The following ASH2L variants were observed in gnomAD, a reference collection of about 807,000 sequenced individuals.
ASH2L encodes the protein set1/Ash2 histone methyltransferase complex subunit ASH2.
In ASH2L, 30 loss-of-function variants were observed where a neutral mutation model predicts 81.1. The ratio of observed to expected loss-of-function variants is 0.37; its 90% CI spans 0.28 to 0.50. ASH2L has a LOEUF of 0.50. Ranked by LOEUF, ASH2L falls within the 20% of genes least tolerant of loss-of-function variation. The pLI is 0.95. For missense variants in ASH2L, 559 were observed against 792.1 expected (o/e 0.71, Z 3.53); for synonymous variants, 273 against 279.9 (o/e 0.98, Z 0.24).
chr8:38,119,636 T>C (rs1349048320), intron 9 of ASH2L, among the ~76,000 whole-genome samples: 1 of 151,576 alleles, frequency 6.6e-6, no homozygotes, highest in Non-Finnish European at 1.5e-5. Context: ...CGAAACCCCA[T>C]CTCCACTAAA....
rs374597283 is a variant in ASH2L at position 38,110,380 on chromosome 8, T to A, written c.403T>A (p.Ser135Thr). 1.9e-6 allele frequency: 3 copies of A among 1,613,616 alleles called. No homozygotes were observed. In the Admixed American group the frequency reaches 5.0e-5, roughly 27 times the overall value. ...TADTFGIDTS[S>T]CLPFMTNYSF... ...TCGTATAATTTGGCTCTTCGGCAGA[T>A]CCTGTCTACCTTTCATGACCAACTA... The change falls in exon 4 of 16, where the codon TCC (serine) becomes ACC (threonine). Residue 135 changes from serine to threonine, a missense_variant and splice_region_variant. Ser to Thr is a moderately conservative substitution (Grantham distance 58). This residue lies in a region of ASH2L where 318 missense variants were observed against 527.0 expected (regional missense o/e 0.60). Coordinates refer to ENST00000343823, the MANE Select transcript of ASH2L (RefSeq NM_004674.5).
intron 2 of ASH2L, among the ~76,000 whole-genome samples, chr8:38,106,798 AC>A (rs1810453693): frequency 7.1e-6 from 1 of 141,822 alleles, no homozygotes; most frequent in Admixed American, 6.9e-5. Context: ...GGCGTGAGCC[AC>A]CGCGCCCGGC....
intron 12 of ASH2L, 152 bp from the exon 13 acceptor site, chr8:38,133,302 A>G (rs1802132441): frequency 1.6e-6 from 1 of 631,792 alleles, no homozygotes; most frequent in African/African-American, 1.9e-5. Flanking sequence ...GAAGTGTGTA[A>G]TAGTTCAAAA....
rs558887898 is a variant in ASH2L, at chr8:38,139,352, C to T, written c.*281C>T. 1 of 297,398 alleles carries T rather than the reference C, an allele frequency of 3.4e-6. No individual in the cohort carries two copies. Among genetic ancestry groups the T allele is most frequent in the East Asian group, 5.6e-5 (1 of 17,868 alleles). 18.4% of individuals were successfully genotyped at this position (297,398 alleles called of 1,614,324 possible). ...ATCGGTGCTGTACTGCATACCCTGCCAGCTGTGACTTGTTATCCTACTATA... is the reference window on the plus strand; with the variant it reads ...ATCGGTGCTGTACTGCATACCCTGCTAGCTGTGACTTGTTATCCTACTATA... On this transcript the variant is annotated 3_prime_UTR_variant, in exon 16 of 16. Transcript: ENST00000343823.
intron 7 of ASH2L, 134 bp from the exon 8 acceptor site, chr8:38,116,516 G>A (rs1205969404): frequency 4.2e-6 from 3 of 706,066 alleles, no homozygotes; most frequent in Non-Finnish European, 7.2e-6. Flanking sequence ...CTGGGCAATA[G>A]AGTAAGGCCC....
intron 4 of ASH2L, 45 bp from the exon 5 acceptor site, chr8:38,110,694 A>T (rs1348907937): frequency 2.1e-6 from 3 of 1,454,234 alleles, no homozygotes; most frequent in Admixed American, 3.5e-5. Context: ...GGTAGTAGAG[A>T]TGTAGTACTA....
intron 7 of ASH2L, among the ~76,000 whole-genome samples, chr8:38,115,661 A>C (rs1810863871): frequency 1.3e-5 from 2 of 152,190 alleles, no homozygotes. Flanking sequence ...AAGATTTCAC[A>C]TAGAAATTTA....
intron 14 of ASH2L, 50 bp from the exon 15 acceptor site, chr8:38,138,766 A>G (rs1802370928): frequency 3.2e-6 from 5 of 1,558,744 alleles, no homozygotes; most frequent in Admixed American, 1.7e-5. Context: ...AACTTTTCCA[A>G]TATTTTTTGT....
At chr8:38,127,339 A>T (rs1172216037) in intron 10 of ASH2L, among the ~76,000 whole-genome samples, 1 of 151,604 alleles carries the variant, frequency 6.6e-6, no homozygotes, top group African/African-American at 2.4e-5. Context: ...AAAAAAAAAA[A>T]GTTAAATTTT....
intron 1 of ASH2L, chr8:38,105,950 T>C: frequency 6.6e-7 from 1 of 1,511,708 alleles, no homozygotes. Flanking sequence ...GAGCTGAGGC[T>C]CCTGTCGTTA....
In ASH2L at chr8:38,113,101, T is replaced by G. The variant is rs553338331; in HGVS notation, c.586-1091T>G. On this transcript the variant is annotated intron_variant, in intron 5 of 15. Transcript: ENST00000343823. ...ATCCTGCCTCAGCCTCCTGAGTAGCTGGGACTACTGGCGCATGCCACCATG... is the reference window on the plus strand; with the variant it reads ...ATCCTGCCTCAGCCTCCTGAGTAGCGGGGACTACTGGCGCATGCCACCATG... 5.9e-5 allele frequency among the ~76,000 whole-genome samples: 9 copies of G among 152,256 alleles called. No homozygotes were observed. The East Asian group carries it at 1.7e-3, about 29-fold the overall frequency.
chr8:38,134,194 C>T (rs961590940), intron 13 of ASH2L, among the ~76,000 whole-genome samples: 1 of 152,166 alleles, frequency 6.6e-6, no homozygotes, highest in African/African-American at 2.4e-5. Flanking sequence ...CGGAAGGCCG[C>T]AGGGTCCTCT....
rs1810436563 is a variant in ASH2L, at chr8:38,106,426, T to G, written c.237T>G (p.Ser79=). 6.2e-7 allele frequency: 1 copy of G among 1,613,794 alleles called. No individual in the cohort carries two copies. Among genetic ancestry groups the G allele is most frequent in the African/African-American group, 1.3e-5 (1 of 74,908 alleles). The change falls in exon 2 of 16, where the codon TCT becomes TCG. Residue 79 remains serine, a synonymous_variant. Coordinates refer to ENST00000343823, the MANE Select transcript of ASH2L (RefSeq NM_004674.5). ...GCGGTGGCTTGGAGACAGAATCATC[T>G]AATGGAAAAGATACACTAGTAAGTA... The part of the protein sequence containing the change: ...DVSGGLETES[S]NGKDTLEGAG...
At chr8:38,123,448 C>T (rs2130533249) in intron 10 of ASH2L, 1 of 152,280 alleles carries the variant, frequency 6.6e-6, no homozygotes, top group Admixed American at 6.5e-5. Flanking sequence ...TTATATATAG[C>T]TCTTTTTGTC....
intron 9 of ASH2L, among the ~76,000 whole-genome samples, chr8:38,120,173 G>C (rs1811077521): frequency 6.6e-6 from 1 of 152,136 alleles, no homozygotes; most frequent in African/African-American, 2.4e-5. Flanking sequence ...ACATTTAAGT[G>C]TACATACATT....
chr8:38,106,167 G>A, intron 1 of ASH2L: 1 of 1,529,004 alleles, frequency 6.5e-7, no homozygotes, highest in Non-Finnish European at 8.8e-7. Flanking sequence ...GGCCGGTTAG[G>A]CTTCCCTGTG....
chr8:38,106,545 T>C, intron 2 of ASH2L, 101 bp downstream of exon 2: 1 of 1,038,182 alleles, frequency 9.6e-7, no homozygotes, highest in East Asian at 2.6e-5. Context: ...CCTTGCTCTG[T>C]CGCCCAGGCT....
intron 3 of ASH2L, among the ~76,000 whole-genome samples, chr8:38,109,327 C>A (rs1027996687): frequency 5.3e-5 from 8 of 152,204 alleles, no homozygotes; most frequent in African/African-American, 1.9e-4. Context: ...TCAGCTGTAA[C>A]ATTTGTAAGA....
At chr8:38,106,315 G>C in intron 1 of ASH2L, 63 bp from the exon 2 acceptor site, 3 of 1,510,018 alleles carry the variant, frequency 2.0e-6, no homozygotes, top group East Asian at 2.3e-5. Context: ...CATCATTTTT[G>C]GGAATAGGCA....
Sources: gnomAD v4.1 joint callset for allele counts (sites outside exome capture counted in the v4.1 genomes callset) on GRCh38, gnomAD v4.1.1 for gene constraint, gnomAD v4.1.1 regional missense constraint, MANE v1.5 for transcripts, NCBI Gene and HGNC (gene_info 2026-07-23, HGNC 2026-07-21) for gene names.